Variants in AGBL4 observed in about 807,000 individuals in gnomAD.
AGBL4 encodes AGBL carboxypeptidase 4.
AGBL4 carries 58 observed loss-of-function variants against 66.4 expected under a neutral mutation model. That is an observed-to-expected ratio of 0.87 (90% CI 0.71 to 1.09). The LOEUF is 1.09. AGBL4 is among the 50% of genes least tolerant of loss of function. The probability of loss-of-function intolerance (pLI) is 0.00; values close to 1 mark genes in which losing one functional copy is unlikely to be tolerated. For synonymous variants in AGBL4, 234 were observed against 222.9 expected (o/e 1.05, Z -0.44); for missense variants, 579 against 631.0 (o/e 0.92, Z 0.88).
chr1:49,462,009 G>A (rs1314266163), intron 3 of AGBL4, among the ~76,000 whole-genome samples: 1 of 151,626 alleles, frequency 6.6e-6, no homozygotes, highest in East Asian at 2.0e-4. Flanking sequence ...TAGGTCAAAT[G>A]GTATTTCTAG....
At position 49,783,400 on chromosome 1, in the gene AGBL4, G is replaced by A. The variant is rs1368766860; in HGVS notation, c.157+67996C>T. Among the ~76,000 whole-genome samples, 4 of 151,984 alleles carry A rather than the reference G, an allele frequency of 2.6e-5. No homozygotes were observed. The East Asian group carries it at 7.7e-4, about 29-fold the overall frequency. On this transcript the variant is annotated intron_variant, in intron 2 of 13. Transcript: ENST00000371839. ...TAAATTAATATACCACAGTAATAGG[G>A]TAAAGGACAAAAAAAATCAAATGGT...
chr1:49,408,693 G>C (rs1411059813), intron 3 of AGBL4, among the ~76,000 whole-genome samples: 1 of 152,188 alleles, frequency 6.6e-6, no homozygotes, highest in Non-Finnish European at 1.5e-5. Flanking sequence ...GAGTTCTTCA[G>C]CTTTTGGACT....
At chr1:48,821,399 A>C (rs1443548395) in intron 6 of AGBL4, among the ~76,000 whole-genome samples, 1 of 152,220 alleles carries the variant, frequency 6.6e-6, no homozygotes, top group Non-Finnish European at 1.5e-5. Context: ...TACACCATGA[A>C]ATACTATGCA....
At position 49,939,146 on chromosome 1, in the gene AGBL4, G is replaced by A. The variant is rs546963050; in HGVS notation, c.34+84617C>T. Among the ~76,000 whole-genome samples the A allele has an allele frequency of 6.1e-4, 92 of 152,058 alleles. 1 individual carries two copies. The East Asian group carries it at 0.014, about 22-fold the overall frequency. On this transcript the variant is annotated intron_variant, in intron 1 of 13. Coordinates refer to ENST00000371839, the MANE Select transcript of AGBL4 (RefSeq NM_032785.4). ...AATACCTAGGAATCCAACTTACAAC[G>A]GACGTGAAGGACCTCTTCAAGGAGA... is the stretch of plus-strand genomic sequence containing the variant.
At chr1:48,885,942 T>C (rs569939330) in intron 5 of AGBL4, among the ~76,000 whole-genome samples, 1 of 152,198 alleles carries the variant, frequency 6.6e-6, no homozygotes, top group South Asian at 2.1e-4. Context: ...ATGAACTACA[T>C]ACCTGGATGA....
At chr1:49,799,066 T>C (rs1644797858) in intron 2 of AGBL4, among the ~76,000 whole-genome samples, 1 of 152,256 alleles carries the variant, frequency 6.6e-6, no homozygotes, top group African/African-American at 2.4e-5. Context: ...TATGAAACAA[T>C]GGATTTAAAT....
chr1:49,874,811 T>C (rs1646937005), intron 1 of AGBL4, among the ~76,000 whole-genome samples: 1 of 150,122 alleles, frequency 6.7e-6, no homozygotes, highest in African/African-American at 2.5e-5. Flanking sequence ...CTATTATTTT[T>C]TTGTTTTGTT....
At chr1:49,660,182 G>T (rs1370608948) in intron 3 of AGBL4, among the ~76,000 whole-genome samples, 1 of 151,720 alleles carries the variant, frequency 6.6e-6, no homozygotes, top group Non-Finnish European at 1.5e-5. Flanking sequence ...CAAAGTAGGA[G>T]AAAATTTTTT....
At chr1:49,273,172 A>G (rs1290359192) in intron 3 of AGBL4, among the ~76,000 whole-genome samples, 2 of 152,124 alleles carry the variant, frequency 1.3e-5, no homozygotes, top group Non-Finnish European at 2.9e-5. Context: ...AAAAAGTTAG[A>G]TCCACCAGAC....
rs188530496 is a variant in AGBL4 at position 48,894,108 on chromosome 1, G to A, written c.595-26878C>T. On this transcript the variant is annotated intron_variant, in intron 5 of 13. Coordinates refer to ENST00000371839, the MANE Select transcript of AGBL4 (RefSeq NM_032785.4). ...TGAAAGTATTAGTCGACTTCAAAAT[G>A]TGCAAACCCTTTGACCCAGTAATTC... Among the ~76,000 whole-genome samples the A allele has an allele frequency of 5.7e-4, 87 of 152,334 alleles. 1 individual carries two copies. The East Asian group carries it at 0.013, about 24-fold the overall frequency.
At chr1:49,658,226 AC>A (rs1646189134) in intron 3 of AGBL4, among the ~76,000 whole-genome samples, 1 of 152,240 alleles carries the variant, frequency 6.6e-6, no homozygotes, top group Non-Finnish European at 1.5e-5. Flanking sequence ...TCAAAAGAAG[AC>A]ATTTATGCAG....
chr1:48,879,956 T>C (rs1304389979), intron 5 of AGBL4, among the ~76,000 whole-genome samples: 2 of 152,200 alleles, frequency 1.3e-5, no homozygotes, highest in African/African-American at 4.8e-5. Context: ...CAATATTTTC[T>C]TTTTTACATT....
At chr1:49,615,546 A>T (rs997641595) in intron 3 of AGBL4, among the ~76,000 whole-genome samples, 18 of 152,136 alleles carry the variant, frequency 1.2e-4, no homozygotes, top group Non-Finnish European at 2.9e-5. Context: ...GTTTGTAGTT[A>T]ATTCCTGATG....
chr1:49,173,814 T>A (rs1424789442), intron 4 of AGBL4, among the ~76,000 whole-genome samples: 1 of 152,062 alleles, frequency 6.6e-6, no homozygotes, highest in Non-Finnish European at 1.5e-5. Context: ...AAACACAGTA[T>A]AAACAGGATA....
chr1:49,876,977 A>G (rs1647030098), intron 1 of AGBL4, among the ~76,000 whole-genome samples: 1 of 151,638 alleles, frequency 6.6e-6, no homozygotes, highest in African/African-American at 2.4e-5. Context: ...GTTGGTGTAT[A>G]GGAATGCTTG....
At chr1:49,023,789 C>T (rs972873947) in intron 5 of AGBL4, among the ~76,000 whole-genome samples, 17 of 152,284 alleles carry the variant, frequency 1.1e-4, no homozygotes, top group Non-Finnish European at 2.2e-4. Context: ...AACTGTCTAA[C>T]ATCTAAAACT....
rs2148908190 is a variant in AGBL4 at position 48,935,553 on chromosome 1, G to A, written c.595-68323C>T. ...AGCTTTTCTAAGTGGTAATTTACCTGACTTCATCTCTCAGTTGGGTCTGAT... is the reference window on the plus strand; with the variant it reads ...AGCTTTTCTAAGTGGTAATTTACCTAACTTCATCTCTCAGTTGGGTCTGAT... On this transcript the variant is annotated intron_variant, in intron 5 of 13. Coordinates refer to ENST00000371839, the MANE Select transcript of AGBL4 (RefSeq NM_032785.4). 1.3e-5 allele frequency among the ~76,000 whole-genome samples: 2 copies of A among 152,178 alleles called. 1 individual carries two copies. Among genetic ancestry groups the A allele is most frequent in the Middle Eastern group, 6.8e-3 (2 of 294 alleles).
chr1:49,274,648 A>G (rs1644131784), intron 3 of AGBL4, among the ~76,000 whole-genome samples: 1 of 152,140 alleles, frequency 6.6e-6, no homozygotes, highest in Non-Finnish European at 1.5e-5. Context: ...TATTTTTCAA[A>G]GAAATTCATA....
intron 2 of AGBL4, among the ~76,000 whole-genome samples, chr1:49,703,897 A>G (rs1647150395): frequency 6.6e-6 from 1 of 152,062 alleles, no homozygotes; most frequent in Non-Finnish European, 1.5e-5. Flanking sequence ...AAGTGAATAT[A>G]TGAAAATAAC....
Sources: gnomAD v4.1 joint callset for allele counts (sites outside exome capture counted in the v4.1 genomes callset) on GRCh38, gnomAD v4.1.1 for gene constraint, MANE v1.5 for transcripts, NCBI Gene and HGNC (gene_info 2026-07-23, HGNC 2026-07-21) for gene names.